The following CDH1 variants were observed in gnomAD, a reference collection of about 807,000 sequenced individuals.
CDH1 encodes cadherin 1.
CDH1 carries 35 observed loss-of-function variants against 84.5 expected under a neutral mutation model. The observed-to-expected ratio is 0.41, with a 90% CI of 0.32 to 0.55. CDH1 has a LOEUF of 0.55. CDH1 is among the 20% of genes least tolerant of loss of function. CDH1 has a pLI of 0.19. For synonymous variants in CDH1, 417 were observed against 439.0 expected (o/e 0.95, Z 0.63); for missense variants, 994 against 1,126.6 (o/e 0.88, Z 1.68).
chr16:68,829,855 G>A, intron 15 of CDH1, 58 bp downstream of exon 15: 1 of 1,562,832 alleles, frequency 6.4e-7, no homozygotes, highest in Non-Finnish European at 8.8e-7. Flanking sequence ...AGGAGGAGTT[G>A]TGTCAAAAAT....
intron 2 of CDH1, among the ~76,000 whole-genome samples, chr16:68,797,079 C>T (rs1022455840): frequency 4.6e-5 from 7 of 152,112 alleles, no homozygotes; most frequent in Non-Finnish European, 8.8e-5. Flanking sequence ...TAATATTCTA[C>T]ACATGTTTAA....
chr16:68,774,313 T>A (rs921235881), intron 2 of CDH1, among the ~76,000 whole-genome samples: 5 of 152,152 alleles, frequency 3.3e-5, no homozygotes, highest in African/African-American at 1.2e-4. Context: ...TTACTTGAGG[T>A]CAGGAGTTTG....
chr16:68,810,566 A>AT lies in CDH1; in HGVS notation c.832+239dup, dbSNP rs5817654. 0.21 allele frequency among the ~76,000 whole-genome samples: 30,620 copies of AT among 146,488 alleles called. 3,334 individuals carry two copies. The highest frequency in any genetic ancestry group is 0.3 in the African/African-American group (12,132 of 40,020). On this transcript the variant is annotated intron_variant, in intron 6 of 15. Transcript: ENST00000261769. ...AACAATCTTCCCTTTTTTATTATTA[A>AT]TTTTTTTTTTTTTTAGGCTGGGCAT...
At chr16:68,745,547 A>ATATATATATATGT (rs1491171815) in intron 2 of CDH1, among the ~76,000 whole-genome samples, 14 of 21,980 alleles carry the variant, frequency 6.4e-4, no homozygotes, top group African/African-American at 1.4e-3. Context: ...AAAAAAAAAA[A>ATATATATATATGT]AAATATATAT....
At chr16:68,764,852 C>T (rs1273019644) in intron 2 of CDH1, among the ~76,000 whole-genome samples, 1 of 152,200 alleles carries the variant, frequency 6.6e-6, no homozygotes, top group Non-Finnish European at 1.5e-5. Flanking sequence ...TCCTTGGCCA[C>T]CTGCTGTATC....
Position 68,819,342 on chromosome 16 carries a change from C to T in CDH1, c.1628C>T (p.Ser543Phe), listed in dbSNP as rs148400889. 3.7e-6 allele frequency: 6 copies of T among 1,613,998 alleles called. No individual in the cohort carries two copies. In the African/African-American group the frequency reaches 4.0e-5, roughly 11 times the overall value. The change falls in exon 11 of 16, where the codon TCC becomes TTC. Residue 543 changes from serine to phenylalanine, a missense_variant. Ser to Phe is a radical substitution (Grantham distance 155, BLOSUM62 -2). Transcript: ENST00000261769. Reference sequence around the variant, plus strand: ...ATTAATCCGGACACTGGTGCCATTTCCACTCGGGCTGAGCTGGACAGGGAG... The same window carrying T: ...ATTAATCCGGACACTGGTGCCATTTTCACTCGGGCTGAGCTGGACAGGGAG... The part of the protein sequence containing the change: ...LEINPDTGAI[S>F]TRAELDREDF...
chr16:68,740,801 T>G (rs1008205842), intron 2 of CDH1, among the ~76,000 whole-genome samples: 4 of 152,134 alleles, frequency 2.6e-5, no homozygotes, highest in African/African-American at 9.7e-5. Context: ...TAGTCTTCAC[T>G]AGAACGTTAG....
chr16:68,827,662 C>T (rs988849920), intron 13 of CDH1, among the ~76,000 whole-genome samples: 4 of 152,064 alleles, frequency 2.6e-5, no homozygotes, highest in Admixed American at 2.6e-4. Context: ...ACCTAGGAGC[C>T]CTGCTCACAA....
chr16:68,813,090 G>A (rs1960883631), intron 8 of CDH1, among the ~76,000 whole-genome samples: 1 of 152,100 alleles, frequency 6.6e-6, no homozygotes, highest in South Asian at 2.1e-4. Flanking sequence ...GGTGGTGCAT[G>A]CCTGTGGTCC....
At chr16:68,737,619 G>A (rs1962435201) in intron 1 of CDH1, among the ~76,000 whole-genome samples, 156 bp downstream of exon 1, 1 of 152,206 alleles carries the variant, frequency 6.6e-6, no homozygotes, top group Non-Finnish European at 1.5e-5. Flanking sequence ...CGCGCGCTCC[G>A]GACCCCCCAG....
chr16:68,826,264 A>G (rs1022051203), intron 13 of CDH1, among the ~76,000 whole-genome samples: 3 of 152,212 alleles, frequency 2.0e-5, no homozygotes, highest in African/African-American at 7.2e-5. Flanking sequence ...GCAATGCCAG[A>G]GTTCAGATGT....
In CDH1 at chr16:68,813,420, A is replaced by G. The variant is rs1597896016; in HGVS notation, c.1245A>G (p.Ile415Met). Residue 415 changes from isoleucine to methionine, a missense_variant, in exon 9 of 16, where the codon ATA (isoleucine) becomes ATG (methionine). Ile to Met is a conservative substitution (Grantham distance 10). Around this residue, in one of 3 missense-constraint regions of CDH1, gnomAD observed 769 missense variants for 881.8 expected, o/e 0.87. Transcript: ENST00000261769. ...CAGCGTGGGAGGCTGTATACACCAT[A>G]TTGAATGATGATGGTGGACAATTTG... ...NTPAWEAVYTILNDDGGQFVV... is the reference protein window; with the variant it reads ...NTPAWEAVYTMLNDDGGQFVV... 1 of 1,613,866 alleles carries G rather than the reference A, an allele frequency of 6.2e-7. No individual in the cohort carries two copies. Among genetic ancestry groups the G allele is most frequent in the Non-Finnish European group, 8.5e-7 (1 of 1,179,766 alleles).
chr16:68,813,596 G>A (rs1167537701), intron 9 of CDH1, 101 bp downstream of exon 9: 3 of 1,193,896 alleles, frequency 2.5e-6, no homozygotes, highest in South Asian at 1.2e-5. Context: ...CTTTGGCAGG[G>A]GGACAGGGTG....
chr16:68,743,329 T>C (rs1486895540), intron 2 of CDH1, among the ~76,000 whole-genome samples: 3 of 24,748 alleles, frequency 1.2e-4, no homozygotes, highest in Non-Finnish European at 2.9e-4. Flanking sequence ...CTTTCTTTCT[T>C]TCTTTCTTTC....
At chr16:68,803,371 G>GT (rs1960567889) in intron 3 of CDH1, among the ~76,000 whole-genome samples, 1 of 152,142 alleles carries the variant, frequency 6.6e-6, no homozygotes, top group Non-Finnish European at 1.5e-5. Context: ...CCAGGCAGCT[G>GT]TGTGTGGAAG....
At chr16:68,786,520 C>CTTTTTTT (rs1323536677) in intron 2 of CDH1, among the ~76,000 whole-genome samples, 4 of 77,526 alleles carry the variant, frequency 5.2e-5, no homozygotes, top group Non-Finnish European at 8.0e-5. Context: ...TTTCTGCTTT[C>CTTTTTTT]TTTTTTTTTT....
chr16:68,774,385 CG>C (rs1004824047), intron 2 of CDH1, among the ~76,000 whole-genome samples: 24 of 152,018 alleles, frequency 1.6e-4, no homozygotes, highest in African/African-American at 5.8e-4. Flanking sequence ...CTGGGCGTGG[CG>C]GTGGGTGCCT....
Position 68,815,419 on chromosome 16 carries a change from A to G in CDH1, c.1321-96A>G, listed in dbSNP as rs1462728220. The G allele has an allele frequency of 7.9e-6, 12 of 1,516,248 alleles. No individual in the cohort carries two copies. The Admixed American group carries it at 9.4e-5, about 12-fold the overall frequency. 93.9% of individuals were successfully genotyped at this position (1,516,248 alleles called of 1,614,324 possible). ...CCACAGTTACTTTTGCACCAACCTAATATATTACCAAAAGCAACAGTTAAG... is the reference window on the plus strand; with the variant it reads ...CCACAGTTACTTTTGCACCAACCTAGTATATTACCAAAAGCAACAGTTAAG... On this transcript the variant is annotated intron_variant, in intron 9 of 15. Coordinates refer to ENST00000261769, the MANE Select transcript of CDH1 (RefSeq NM_004360.5).
intron 2 of CDH1, among the ~76,000 whole-genome samples, chr16:68,799,938 A>G (rs1316589684): frequency 6.6e-6 from 1 of 151,566 alleles, no homozygotes; most frequent in East Asian, 1.9e-4. Context: ...TGAACCCAGG[A>G]GGCGGAGGTT....
Sources: gnomAD v4.1 joint callset for allele counts (sites outside exome capture counted in the v4.1 genomes callset) on GRCh38, gnomAD v4.1.1 for gene constraint, gnomAD v4.1.1 regional missense constraint, MANE v1.5 for transcripts, NCBI Gene and HGNC (gene_info 2026-07-23, HGNC 2026-07-21) for gene names.